INSYN2B: variants seen among roughly 807,000 people sequenced by gnomAD.
The protein encoded by INSYN2B is inhibitory synaptic factor family member 2B.
A neutral mutation model predicts 41.2 loss-of-function variants in INSYN2B; 16 were observed. That is an observed-to-expected ratio of 0.39 (90% CI 0.26 to 0.59). INSYN2B has a LOEUF of 0.59. Ranked by LOEUF, INSYN2B falls within the 20% of genes least tolerant of loss-of-function variation. The probability of loss-of-function intolerance (pLI) is 0.57; values close to 1 mark genes in which losing one functional copy is unlikely to be tolerated. For missense variants in INSYN2B, 608 were observed against 646.4 expected, an observed-to-expected ratio of 0.94 and a Z score of 0.64; for synonymous variants, 245 against 244.4, an observed-to-expected ratio of 1.00 and a Z score of -0.02.
At chr5:169,925,419 A>C (rs1453429497) in intron 1 of INSYN2B, among the ~76,000 whole-genome samples, 1 of 151,994 alleles carries the variant, frequency 6.6e-6, no homozygotes, top group African/African-American at 2.4e-5. Context: ...ATCTTTACTA[A>C]AATTACAAAA....
chr5:169,893,992 T>C (rs1281576427), intron 1 of INSYN2B, among the ~76,000 whole-genome samples: 3 of 152,222 alleles, frequency 2.0e-5, no homozygotes, highest in African/African-American at 7.2e-5. Context: ...GTCTTTCCAT[T>C]CTGAAGGGAC....
intron 1 of INSYN2B, among the ~76,000 whole-genome samples, chr5:169,922,447 C>G (rs541090451): frequency 2.6e-3 from 401 of 152,314 alleles, no homozygotes; most frequent in South Asian, 7.9e-3. Context: ...CAGTTTAGAG[C>G]TTTCTGAACT....
intron 1 of INSYN2B, among the ~76,000 whole-genome samples, chr5:169,963,364 A>T (rs974983673): frequency 2.6e-5 from 4 of 152,090 alleles, no homozygotes; most frequent in Non-Finnish European, 4.4e-5. Context: ...TCAGCCTTTG[A>T]TTAGGCCTCC....
At chr5:169,921,504 C>T (rs1182690294) in intron 1 of INSYN2B, among the ~76,000 whole-genome samples, 3 of 152,204 alleles carry the variant, frequency 2.0e-5, no homozygotes, top group Non-Finnish European at 1.5e-5. Flanking sequence ...CGTGGATCAA[C>T]AGTTTTGTAG....
chr5:169,903,571 G>A (rs1030600514), intron 1 of INSYN2B, among the ~76,000 whole-genome samples: 1 of 152,088 alleles, frequency 6.6e-6, no homozygotes, highest in Non-Finnish European at 1.5e-5. Context: ...TGGGGAGATG[G>A]GAGAAGGGAA....
At chr5:169,865,806 C>T (rs1771511529) in intron 3 of INSYN2B, among the ~76,000 whole-genome samples, 1 of 152,216 alleles carries the variant, frequency 6.6e-6, no homozygotes, top group African/African-American at 2.4e-5. Context: ...TATGATGTGG[C>T]ATGACTGGCC....
chr5:169,954,897 C>T (rs1348644891), intron 1 of INSYN2B, among the ~76,000 whole-genome samples: 3 of 152,126 alleles, frequency 2.0e-5, no homozygotes, highest in Non-Finnish European at 2.9e-5. Flanking sequence ...GCCAGGGGAG[C>T]GTGGGTGAAA....
intron 1 of INSYN2B, among the ~76,000 whole-genome samples, chr5:169,933,267 C>G (rs995508966): frequency 6.6e-5 from 10 of 152,218 alleles, no homozygotes; most frequent in African/African-American, 2.4e-4. Flanking sequence ...ATCAGGTTAG[C>G]CTGTAGGACA....
At chr5:169,942,829 T>C (rs568809123) in intron 1 of INSYN2B, among the ~76,000 whole-genome samples, 5 of 152,366 alleles carry the variant, frequency 3.3e-5, no homozygotes, top group African/African-American at 1.2e-4. Context: ...AGGCTTGGTC[T>C]GAACTCTTCC....
intron 1 of INSYN2B, among the ~76,000 whole-genome samples, chr5:169,911,134 T>G (rs892019809): frequency 1.1e-4 from 17 of 152,248 alleles, no homozygotes; most frequent in Non-Finnish European, 7.3e-5. Flanking sequence ...TTAATGTTTT[T>G]ATTTTATTTT....
intron 1 of INSYN2B, among the ~76,000 whole-genome samples, chr5:169,939,126 G>A (rs546056730): frequency 6.6e-6 from 1 of 151,386 alleles, no homozygotes; most frequent in East Asian, 1.9e-4. Context: ...GGATGGTCTT[G>A]ATCTCCTGAC....
At chr5:169,961,547 G>A (rs1777085644) in intron 1 of INSYN2B, among the ~76,000 whole-genome samples, 1 of 152,188 alleles carries the variant, frequency 6.6e-6, no homozygotes, top group Non-Finnish European at 1.5e-5. Context: ...AAACATGGTG[G>A]ACTAAGCAGA....
chr5:169,978,392 T>TG lies in INSYN2B; in HGVS notation c.-919+1884dup, dbSNP rs150934804. On this transcript the variant is annotated intron_variant, in intron 1 of 3. Coordinates refer to ENST00000377365, the MANE Select transcript of INSYN2B (RefSeq NM_001129891.3). ...CTCTGTGTATGTGTGTGTGTGTGTG[T>TG]GGGGGGGGGGGGGTGTAGGTGTGTT... Among the ~76,000 whole-genome samples the TG allele has an allele frequency of 4.9e-3, 112 of 22,708 alleles. 7 individuals carry two copies. The highest frequency in any genetic ancestry group is 0.01 in the African/African-American group (90 of 8,736). The allele number at this position is 22,708 out of a possible 152,430, so 14.9% of individuals were successfully genotyped here.
intron 1 of INSYN2B, among the ~76,000 whole-genome samples, chr5:169,904,444 C>CT (rs1774154869): frequency 6.6e-6 from 1 of 152,190 alleles, no homozygotes; most frequent in South Asian, 2.1e-4. Context: ...TCTCCAAAGT[C>CT]TCACTTCTGG....
At chr5:169,867,768 T>A (rs774237836) in intron 3 of INSYN2B, among the ~76,000 whole-genome samples, 9 of 152,186 alleles carry the variant, frequency 5.9e-5, no homozygotes, top group Non-Finnish European at 1.2e-4. Flanking sequence ...CACCTGGTAC[T>A]GCACCCCTAT....
chr5:169,959,217 C>T (rs1776983157), intron 1 of INSYN2B, among the ~76,000 whole-genome samples: 1 of 151,820 alleles, frequency 6.6e-6, no homozygotes, highest in Non-Finnish European at 1.5e-5. Flanking sequence ...ATGGTGAAAC[C>T]CTGTCTGTAC....
chr5:169,947,516 C>T (rs995464800), intron 1 of INSYN2B, among the ~76,000 whole-genome samples: 8 of 152,228 alleles, frequency 5.3e-5, no homozygotes, highest in Non-Finnish European at 1.0e-4. Flanking sequence ...GGCCACGCAA[C>T]TAATATCAGA....
chr5:169,962,668 T>C (rs1777140349), intron 1 of INSYN2B, among the ~76,000 whole-genome samples: 3 of 152,130 alleles, frequency 2.0e-5, no homozygotes, highest in Admixed American at 2.0e-4. Flanking sequence ...TGTCTGTTGC[T>C]TGAAATGACA....
intron 1 of INSYN2B, among the ~76,000 whole-genome samples, chr5:169,930,050 G>T (rs1775671391): frequency 6.6e-6 from 1 of 152,138 alleles, no homozygotes; most frequent in Non-Finnish European, 1.5e-5. Context: ...GAGTGCAGTG[G>T]CACGATCTCA....
Sources: allele counts gnomAD v4.1 joint callset (sites outside exome capture counted in the v4.1 genomes callset), GRCh38; gene constraint gnomAD v4.1.1; transcripts MANE v1.5; gene names NCBI Gene and HGNC (gene_info 2026-07-23, HGNC 2026-07-21).